KDM4C: variants seen among roughly 807,000 people sequenced by gnomAD.
KDM4C encodes the protein lysine demethylase 4C.
Under a neutral mutation model 129.3 loss-of-function variants are expected in KDM4C, and 81 were observed. The ratio of observed to expected loss-of-function variants is 0.63; its 90% CI spans 0.52 to 0.75. The LOEUF is 0.75. Among genes scored for constraint, KDM4C ranks in the 30% least tolerant of loss-of-function variants. The probability of loss-of-function intolerance (pLI) is 0.00; values close to 1 mark genes in which losing one functional copy is unlikely to be tolerated. For synonymous variants in KDM4C, 573 were observed against 456.1 expected, an observed-to-expected ratio of 1.26 and a Z score of -3.26; for missense variants, 1,457 against 1,304.0, an observed-to-expected ratio of 1.12 and a Z score of -1.81.
exon 1 of KDM4C, chr9:6,720,956 A>G: frequency 3.2e-6 from 5 of 1,551,686 alleles, no homozygotes; most frequent in Non-Finnish European, 4.4e-6. Context: ...TTGATGAAGC[A>G]CTATGGGCTG....
chr9:6,764,795 T>G (rs1292460357), intron 1 of KDM4C, among the ~76,000 whole-genome samples: 1 of 152,236 alleles, frequency 6.6e-6, no homozygotes, highest in Non-Finnish European at 1.5e-5. Flanking sequence ...ACTTCTTTTT[T>G]TATATCTCCA....
chr9:6,750,912 G>C (rs1818044135), intron 1 of KDM4C, among the ~76,000 whole-genome samples: 1 of 152,188 alleles, frequency 6.6e-6, no homozygotes, highest in South Asian at 2.1e-4. Context: ...TGGGCTGGAA[G>C]GTCAAGATGG....
chr9:6,930,497 T>C (rs1236466598), intron 8 of KDM4C, among the ~76,000 whole-genome samples: 1 of 149,630 alleles, frequency 6.7e-6, no homozygotes, highest in Non-Finnish European at 1.5e-5. Flanking sequence ...ATATATAACA[T>C]ATGTATCATA....
rs144093511 is a variant in KDM4C, at chr9:6,772,322, G to C, written c.-18+14119G>C. ...CTGCCACCATGCCTGGCTAATTTTTGTATTTTAGTAGAGACGGGGTTTCAC... is the reference window on the plus strand; with the variant it reads ...CTGCCACCATGCCTGGCTAATTTTTCTATTTTAGTAGAGACGGGGTTTCAC... On this transcript the variant is annotated intron_variant, in intron 1 of 21. Coordinates refer to ENST00000381309, the MANE Select transcript of KDM4C (RefSeq NM_015061.6). Among the ~76,000 whole-genome samples the C allele has an allele frequency of 5.7e-4, 86 of 149,596 alleles. No homozygotes were observed. The East Asian group carries it at 0.012, about 21-fold the overall frequency.
intron 4 of KDM4C, among the ~76,000 whole-genome samples, chr9:6,842,118 A>G (rs540117274): frequency 6.6e-6 from 1 of 152,312 alleles, no homozygotes; most frequent in African/African-American, 2.4e-5. Context: ...TGATAGAGCT[A>G]TTTAGTGTTG....
At chr9:7,120,582 A>G (rs1185224213) in intron 18 of KDM4C, among the ~76,000 whole-genome samples, 3 of 152,190 alleles carry the variant, frequency 2.0e-5, no homozygotes, top group African/African-American at 7.2e-5. Flanking sequence ...CAAACCTGAG[A>G]ATGAAATTAT....
At chr9:7,151,675 G>T (rs1451330058) in intron 19 of KDM4C, among the ~76,000 whole-genome samples, 2 of 152,186 alleles carry the variant, frequency 1.3e-5, no homozygotes, top group African/African-American at 2.4e-5. Context: ...GTGAGACCCT[G>T]TGTCAAAACT....
intron 4 of KDM4C, among the ~76,000 whole-genome samples, chr9:6,835,882 TAA>T (rs1162880247): frequency 1.3e-5 from 2 of 152,178 alleles, no homozygotes; most frequent in Non-Finnish European, 2.9e-5. Context: ...TTTGCCCTCC[TAA>T]AAGCCACCCG....
chr9:6,919,529 A>ATCTGTCTGTCTG (rs61205193), intron 8 of KDM4C, among the ~76,000 whole-genome samples: 1 of 142,882 alleles, frequency 7.0e-6, no homozygotes, highest in Non-Finnish European at 1.5e-5. Flanking sequence ...TTTCAATTTC[A>ATCTGTCTGTCTG]TCTGTCTGTC....
At chr9:6,936,961 T>C (rs1043635156) in intron 8 of KDM4C, among the ~76,000 whole-genome samples, 2 of 152,146 alleles carry the variant, frequency 1.3e-5, no homozygotes, top group African/African-American at 4.8e-5. Flanking sequence ...ATTGACTTGG[T>C]TTTAGTTACA....
At chr9:6,752,204 G>A (rs1217977622) in intron 1 of KDM4C, among the ~76,000 whole-genome samples, 2 of 149,986 alleles carry the variant, frequency 1.3e-5, no homozygotes, top group Non-Finnish European at 3.0e-5. Flanking sequence ...ATGGTGGCGC[G>A]CGCCTGTAGT....
intron 8 of KDM4C, among the ~76,000 whole-genome samples, chr9:6,964,611 C>A (rs150010783): frequency 0.021 from 3,198 of 152,070 alleles, 113 homozygotes; most frequent in African/African-American, 0.072. Context: ...GAAACCCCAT[C>A]TCTACTAAAA....
chr9:6,851,454 T>G (rs951884806), intron 5 of KDM4C, among the ~76,000 whole-genome samples: 1 of 152,228 alleles, frequency 6.6e-6, no homozygotes, highest in Admixed American at 6.5e-5. Context: ...CTGGACAGTT[T>G]CTCAGCTGCT....
At chr9:6,823,001 C>G (rs1392747300) in intron 4 of KDM4C, among the ~76,000 whole-genome samples, 2 of 152,190 alleles carry the variant, frequency 1.3e-5, no homozygotes, top group Non-Finnish European at 2.9e-5. Context: ...GCATTTCTAG[C>G]AATACCTATT....
intron 5 of KDM4C, among the ~76,000 whole-genome samples, chr9:6,861,698 A>T (rs888694199): frequency 6.6e-6 from 1 of 151,904 alleles, no homozygotes; most frequent in African/African-American, 2.4e-5. Flanking sequence ...TTCATAGAGG[A>T]TTTACTTATT....
At chr9:7,092,150 T>C (rs1487520998) in intron 17 of KDM4C, among the ~76,000 whole-genome samples, 1 of 152,166 alleles carries the variant, frequency 6.6e-6, no homozygotes, top group Non-Finnish European at 1.5e-5. Flanking sequence ...TGAAAGAAAA[T>C]AGTAGGAATG....
chr9:6,760,504 T>C (rs1035039050), intron 1 of KDM4C, among the ~76,000 whole-genome samples: 1 of 150,256 alleles, frequency 6.7e-6, no homozygotes, highest in Non-Finnish European at 1.5e-5. Flanking sequence ...AATGACTGCA[T>C]GCGTAAGGAG....
chr9:7,023,495 C>T (rs1264812210), intron 15 of KDM4C, among the ~76,000 whole-genome samples: 1 of 152,002 alleles, frequency 6.6e-6, no homozygotes, highest in African/African-American at 2.4e-5. Context: ...TCTCCTTTTT[C>T]ATCTCTGATT....
intron 15 of KDM4C, among the ~76,000 whole-genome samples, chr9:7,024,558 C>G (rs2381535): frequency 0.52 from 77,827 of 150,196 alleles, 20,399 homozygotes; most frequent in South Asian, 0.7. Flanking sequence ...TGTTCAATTC[C>G]CACCTGTGAG....
Sources: allele counts gnomAD v4.1 joint callset (sites outside exome capture counted in the v4.1 genomes callset), GRCh38; gene constraint gnomAD v4.1.1; transcripts MANE v1.5; gene names NCBI Gene and HGNC (gene_info 2026-07-23, HGNC 2026-07-21).